Variants in MDGA1 observed in about 807,000 individuals in gnomAD.
MDGA1 encodes MAM domain-containing glycosylphosphatidylinositol anchor protein 1.
Under a neutral mutation model 101.5 loss-of-function variants are expected in MDGA1, and 54 were observed. The observed-to-expected ratio is 0.53, with a 90% CI of 0.43 to 0.67. MDGA1 has a LOEUF of 0.67. Ranked by LOEUF, MDGA1 falls within the 30% of genes least tolerant of loss-of-function variation. MDGA1 has a pLI of 0.00. For missense variants in MDGA1, 1,083 were observed against 1,323.8 expected (o/e 0.82, Z 2.82); for synonymous variants, 533 against 558.3 (o/e 0.95, Z 0.64).
At chr6:37,647,410 G>A in intron 9 of MDGA1, 86 bp from the exon 10 acceptor site, 2 of 809,696 alleles carry the variant, frequency 2.5e-6, no homozygotes, top group South Asian at 3.7e-5. Flanking sequence ...GAAACAAGAG[G>A]ATGAGGTGGA....
Position 37,655,782 on chromosome 6 carries a change from C to T in MDGA1, c.497G>A (p.Arg166His), listed in dbSNP as rs764612035. 1.4e-5 allele frequency: 23 copies of T among 1,612,964 alleles called. No individual in the cohort carries two copies. Among genetic ancestry groups the T allele is most frequent in the Middle Eastern group, 1.7e-4 (1 of 6,018 alleles). The change falls in exon 4 of 17, where the codon CGC becomes CAC. Residue 166 changes from arginine (R) to histidine (H), a missense_variant. Arg to His is a conservative substitution (Grantham distance 29, BLOSUM62 0). Around this residue, in one of 3 missense-constraint regions of MDGA1, gnomAD observed 310 missense variants for 355.9 expected, o/e 0.87. Transcript: ENST00000434837. This position sits in a 1 kb window ranked among gnomAD's most constrained non-coding sequence, Gnocchi z 5.1. ...ATCGGAACCCCGCTTCCAGATGAAG[C>T]GGGCAGGCGGGTTGGAGTTGACAGT... ...RCTVNSNPPA[R>H]FIWKRGSDTL... is the part of the protein sequence containing the mutation.
chr6:37,663,368 T>C (rs553526151), intron 2 of MDGA1, among the ~76,000 whole-genome samples: 15 of 152,348 alleles, frequency 9.8e-5, no homozygotes, highest in Non-Finnish European at 1.6e-4. Flanking sequence ...CTGAAGTAGA[T>C]AGAGATCACG....
intron 8 of MDGA1, 79 bp from the exon 9 acceptor site, chr6:37,649,345 G>T (rs116499511): frequency 0.049 from 69,066 of 1,404,442 alleles, 2,012 homozygotes; most frequent in Non-Finnish European, 0.054. Flanking sequence ...GAGGCAACGC[G>T]CTCGCCTCTA....
At position 37,631,115 on chromosome 6, in the gene MDGA1, A is replaced by G. The variant is rs931928160; in HGVS notation, c.*6253T>C. 3.3e-5 allele frequency: 5 copies of G among 152,228 alleles called. No homozygotes were observed. The allele number at this position is 152,228 out of a possible 1,614,324, so 9.4% of individuals were successfully genotyped here. A position where few individuals can be genotyped will look rare whatever the true frequency, so the allele number is the denominator to read the frequency against. The stretch of plus-strand genomic sequence containing the variant: ...CTTTATTCTACCACAGGTAGAATAC[A>G]GAAGCACCAGAAGAATACAGAAGCA... On this transcript the variant is annotated 3_prime_UTR_variant, in exon 17 of 17. Coordinates refer to ENST00000434837, the MANE Select transcript of MDGA1 (RefSeq NM_153487.4).
chr6:37,694,316 C>G (rs1054464532), intron 1 of MDGA1, among the ~76,000 whole-genome samples: 2 of 152,222 alleles, frequency 1.3e-5, no homozygotes, highest in Non-Finnish European at 2.9e-5. Context: ...AAACCAAGTC[C>G]TAGAGAGACT....
chr6:37,694,555 C>G (rs561689007), intron 1 of MDGA1, among the ~76,000 whole-genome samples: 4 of 152,280 alleles, frequency 2.6e-5, no homozygotes, highest in East Asian at 1.9e-4. Context: ...AGAACTAGTC[C>G]CAGATCTTCG....
At chr6:37,637,513 G>T in intron 16 of MDGA1, 54 bp from the exon 17 acceptor site, 1 of 1,524,880 alleles carries the variant, frequency 6.6e-7, no homozygotes, top group Non-Finnish European at 9.1e-7. Context: ...GCTCTGGCAG[G>T]GGCAGGAAGT....
In MDGA1 at chr6:37,696,966, A is replaced by C; in HGVS notation, c.-155T>G. ...GAAGACCAGGAGACTGAAGAGGCGG[A>C]GGTGGCGGCGACCCGTGTTTCTCCT... On this transcript the variant is annotated 5_prime_UTR_variant, in exon 1 of 17. Coordinates refer to ENST00000434837, the MANE Select transcript of MDGA1 (RefSeq NM_153487.4). The surrounding 1 kb of genome is among the most constrained non-coding windows in gnomAD (Gnocchi z 5.6). 1.6e-6 allele frequency: 1 copy of C among 635,104 alleles called. No individual in the cohort carries two copies. The highest frequency in any genetic ancestry group is 2.8e-6 in the Non-Finnish European group (1 of 363,466). 39.3% of individuals were successfully genotyped at this position (635,104 alleles called of 1,614,324 possible).
At position 37,655,417 on chromosome 6, in the gene MDGA1, C is replaced by T; in HGVS notation, c.579+283G>A. The T allele has an allele frequency of 2.7e-6, 1 of 376,452 alleles. No homozygotes were observed. Among genetic ancestry groups the T allele is most frequent in the South Asian group, 4.3e-5 (1 of 23,004 alleles). 23.3% of individuals were successfully genotyped at this position (376,452 alleles called of 1,614,324 possible). On this transcript the variant is annotated intron_variant, in intron 4 of 16. Transcript: ENST00000434837. The surrounding 1 kb of genome is among the most constrained non-coding windows in gnomAD (Gnocchi z 5.1). ...TTCCCAATACTCTGCCACCCAGCAGCAGACTGGGATGACCTGTCTGCCCCT... is the reference window on the plus strand; with the variant it reads ...TTCCCAATACTCTGCCACCCAGCAGTAGACTGGGATGACCTGTCTGCCCCT...
chr6:37,655,649 C>A lies in MDGA1; in HGVS notation c.579+51G>T. ...AAACTCAGCCCCATGCCCCCCTCCC[C>A]TGTTGGATGCAGGAGAAGTGGTATG... On this transcript the variant is annotated intron_variant, in intron 4 of 16. Coordinates refer to ENST00000434837, the MANE Select transcript of MDGA1 (RefSeq NM_153487.4). This position sits in a 1 kb window ranked among gnomAD's most constrained non-coding sequence, Gnocchi z 5.1. The A allele has an allele frequency of 6.9e-7, 1 of 1,443,520 alleles. No individual in the cohort carries two copies. The highest frequency in any genetic ancestry group is 1.4e-5 in the South Asian group (1 of 73,024). 89.4% of individuals were successfully genotyped at this position (1,443,520 alleles called of 1,614,324 possible). A position where few individuals can be genotyped will look rare whatever the true frequency, so the allele number is the denominator to read the frequency against.
intron 1 of MDGA1, among the ~76,000 whole-genome samples, chr6:37,692,540 G>A (rs1425692408): frequency 6.6e-6 from 1 of 151,996 alleles, no homozygotes; most frequent in African/African-American, 2.4e-5. Flanking sequence ...CATGCCTCCT[G>A]GGCAGCTGGG....
intron 3 of MDGA1, among the ~76,000 whole-genome samples, chr6:37,656,526 C>G (rs927484986): frequency 6.6e-6 from 1 of 152,226 alleles, no homozygotes; most frequent in East Asian, 1.9e-4. Flanking sequence ...GCATGCACCA[C>G]CACACCTGGC....
intron 14 of MDGA1, among the ~76,000 whole-genome samples, chr6:37,640,596 C>T (rs73734225): frequency 0.035 from 5,383 of 152,074 alleles, 167 homozygotes; most frequent in African/African-American, 0.086. Context: ...GGATTACAGG[C>T]GTGAGCCACT....
chr6:37,675,564 C>T (rs1032070055), intron 1 of MDGA1, among the ~76,000 whole-genome samples: 1 of 152,082 alleles, frequency 6.6e-6, no homozygotes, highest in East Asian at 1.9e-4. Flanking sequence ...GAGATCAGAA[C>T]ATTAAGGTGG....
intron 1 of MDGA1, among the ~76,000 whole-genome samples, chr6:37,692,982 G>C (rs1762345508): frequency 6.6e-6 from 1 of 152,196 alleles, no homozygotes; most frequent in Non-Finnish European, 1.5e-5. Flanking sequence ...CTGACACCAA[G>C]GGTCTGGGGA....
intron 9 of MDGA1, 99 bp downstream of exon 9, chr6:37,648,883 G>T: frequency 6.9e-7 from 1 of 1,447,628 alleles, no homozygotes; most frequent in Non-Finnish European, 9.0e-7. Context: ...AAGGGGGCCA[G>T]CAGGCCCACC....
At chr6:37,654,648 G>T (rs1374399127) in intron 5 of MDGA1, 105 bp from the exon 6 acceptor site, 1 of 1,560,634 alleles carries the variant, frequency 6.4e-7, no homozygotes, top group Admixed American at 1.7e-5. Flanking sequence ...GCCCTCAGGG[G>T]AGATGAGAGG....
intron 1 of MDGA1, among the ~76,000 whole-genome samples, chr6:37,665,048 C>T (rs995017257): frequency 1.3e-5 from 2 of 152,162 alleles, no homozygotes; most frequent in African/African-American, 4.8e-5. Flanking sequence ...CCTCCCTGAC[C>T]TCTCTCACAG....
In MDGA1 at chr6:37,697,634, C is replaced by T. The variant is rs1188308395; in HGVS notation, c.-823G>A. ...CCAGGCCGGGGCTGCGGCGCGGGCG[C>T]CGCTCGCCGCCTCCGCTCGCCGCGC... On this transcript the variant is annotated 5_prime_UTR_variant, in exon 1 of 17. Coordinates refer to ENST00000434837, the MANE Select transcript of MDGA1 (RefSeq NM_153487.4). The T allele has an allele frequency of 6.6e-6, 1 of 151,872 alleles. No homozygotes were observed. The highest frequency in any genetic ancestry group is 6.6e-5 in the Admixed American group (1 of 15,256). The allele number at this position is 151,872 out of a possible 1,614,324, so 9.4% of individuals were successfully genotyped here.
Sources: allele counts gnomAD v4.1 joint callset (sites outside exome capture counted in the v4.1 genomes callset), GRCh38; gene constraint gnomAD v4.1.1; regional missense constraint gnomAD v4.1.1; non-coding constraint Gnocchi (gnomAD v3.1); transcripts MANE v1.5; gene names NCBI Gene and HGNC (gene_info 2026-07-23, HGNC 2026-07-21).